SAMHD1: variants seen among roughly 807,000 people sequenced by gnomAD.
SAMHD1 encodes the protein deoxynucleoside triphosphate triphosphohydrolase SAMHD1.
A neutral mutation model predicts 79.6 loss-of-function variants in SAMHD1; 54 were observed. The ratio of observed to expected loss-of-function variants is 0.68; its 90% CI spans 0.55 to 0.85. The LOEUF is 0.85. Ranked by LOEUF, SAMHD1 falls within the 40% of genes least tolerant of loss-of-function variation. SAMHD1 has a pLI of 0.00. For missense variants in SAMHD1, 663 were observed against 782.7 expected (o/e 0.85, Z 1.82); for synonymous variants, 260 against 264.1 (o/e 0.98, Z 0.15).
At chr20:36,919,709 AC>A (rs1422560279) in intron 6 of SAMHD1, among the ~76,000 whole-genome samples, 190 bp from the exon 7 acceptor site, 1 of 152,226 alleles carries the variant, frequency 6.6e-6, no homozygotes, top group Non-Finnish European at 1.5e-5. Context: ...CTAGTAGTCT[AC>A]AAACCTTTTA....
intron 13 of SAMHD1, among the ~76,000 whole-genome samples, chr20:36,902,032 TAAG>T (rs1241588476): frequency 4.6e-5 from 7 of 152,288 alleles, no homozygotes; most frequent in Admixed American, 2.0e-4. Flanking sequence ...GAGAAAGGTC[TAAG>T]GAGTTGCTAC....
intron 3 of SAMHD1, among the ~76,000 whole-genome samples, chr20:36,939,274 AAAAAAGAAAAG>A (rs1168959170): frequency 6.8e-6 from 1 of 146,574 alleles, no homozygotes; most frequent in Admixed American, 6.9e-5. Flanking sequence ...AAAAAAAAAA[AAAAAAGAAAAG>A]AAAAGAAAAA....
chr20:36,928,161 T>A (rs1031075836), intron 5 of SAMHD1, among the ~76,000 whole-genome samples: 2 of 151,166 alleles, frequency 1.3e-5, no homozygotes, highest in Non-Finnish European at 2.9e-5. Context: ...CTGAGGTGGG[T>A]GGATCACTTT....
At chr20:36,912,901 T>TG (rs201496825) in intron 9 of SAMHD1, among the ~76,000 whole-genome samples, 3,246 of 133,036 alleles carry the variant, frequency 0.024, 311 homozygotes, top group African/African-American at 0.095. Flanking sequence ...TTTTTTTTTT[T>TG]TTTTTTTTTT....
chr20:36,891,116 C>G lies in SAMHD1; in HGVS notation c.*1816G>C, dbSNP rs2148350707. On this transcript the variant is annotated 3_prime_UTR_variant, in exon 16 of 16. Coordinates refer to ENST00000646673, the MANE Select transcript of SAMHD1 (RefSeq NM_015474.4). ...CTGACCTCACTTGTGCGTTGCTGAG[C>G]CCATATGTGAACAAATCCCCTTGAT... is the stretch of plus-strand genomic sequence containing the variant. The G allele has an allele frequency of 6.6e-6, 1 of 152,324 alleles. No homozygotes were observed. The highest frequency in any genetic ancestry group is 2.4e-5 in the African/African-American group (1 of 41,562). 9.4% of individuals were successfully genotyped at this position (152,324 alleles called of 1,614,324 possible). A position where few individuals can be genotyped will look rare whatever the true frequency, so the allele number is the denominator to read the frequency against.
chr20:36,907,539 C>T (rs1601121415), intron 11 of SAMHD1, among the ~76,000 whole-genome samples: 1 of 125,854 alleles, frequency 7.9e-6, no homozygotes, highest in South Asian at 2.6e-4. Flanking sequence ...ATAAAGATGA[C>T]TTTTTTTTTT....
At position 36,911,202 on chromosome 20, in the gene SAMHD1, A is replaced by T; in HGVS notation, c.1270+16T>A. 1 of 1,488,946 alleles carries T rather than the reference A, an allele frequency of 6.7e-7. No homozygotes were observed. Among genetic ancestry groups the T allele is most frequent in the Admixed American group, 1.7e-5 (1 of 59,868 alleles). 92.2% of individuals were successfully genotyped at this position (1,488,946 alleles called of 1,614,324 possible). On this transcript the variant is annotated intron_variant, in intron 11 of 15. Coordinates refer to ENST00000646673, the MANE Select transcript of SAMHD1 (RefSeq NM_015474.4). ...TTATCTGAGATGGACCATCTATGTT[A>T]CCTGTTACTTCTTACCTGTCAGCTT...
intron 11 of SAMHD1, among the ~76,000 whole-genome samples, chr20:36,907,517 C>T (rs931650398): frequency 5.3e-5 from 8 of 151,592 alleles, no homozygotes; most frequent in Admixed American, 2.6e-4. Context: ...AGGCACATGC[C>T]GCCACACCTG....
At chr20:36,942,292 C>T (rs6124471) in intron 2 of SAMHD1, among the ~76,000 whole-genome samples, 33,321 of 151,960 alleles carry the variant, frequency 0.22, 4,375 homozygotes, top group East Asian at 0.45. Flanking sequence ...GTGGCGCATG[C>T]CTGTAATCCC....
rs1452068179 is a variant in SAMHD1, at chr20:36,898,528, T to C, written c.1520A>G (p.Tyr507Cys). Residue 507 changes from tyrosine to cysteine, a missense_variant, in exon 14 of 16, where the codon TAT (tyrosine) becomes TGT (cysteine). Coordinates refer to ENST00000646673, the MANE Select transcript of SAMHD1 (RefSeq NM_015474.4). ...DFIVDVINMD[Y>C]GMQEKNPIDH... ...AATTGGATTCTTTTCTTGCATTCCA[T>C]AATCCATGTTGATAACCTAAATAAA... The C allele has an allele frequency of 2.5e-6, 4 of 1,613,390 alleles. No individual in the cohort carries two copies. Among genetic ancestry groups the C allele is most frequent in the Non-Finnish European group, 3.4e-6 (4 of 1,179,422 alleles).
intron 4 of SAMHD1, chr20:36,934,517 C>CAAAA (rs35696057): frequency 1.9e-5 from 1 of 53,986 alleles, no homozygotes; most frequent in Non-Finnish European, 3.2e-5. Flanking sequence ...GACTCTGTCT[C>CAAAA]AAAAAAAAAA....
chr20:36,951,693 C>T lies in SAMHD1; in HGVS notation c.-50G>A. The T allele has an allele frequency of 2.5e-6, 4 of 1,608,960 alleles. No individual in the cohort carries two copies. Among genetic ancestry groups the T allele is most frequent in the East Asian group, 2.2e-5 (1 of 44,880 alleles). ...CAGTCAAGAACCTCGGCGCCGGACC[C>T]GCGCGCAGGCGCACTGACAGCAGGG... On this transcript the variant is annotated 5_prime_UTR_variant, in exon 1 of 16. Transcript: ENST00000646673.
intron 15 of SAMHD1, among the ~76,000 whole-genome samples, chr20:36,896,849 A>G (rs528876994): frequency 2.1e-5 from 3 of 142,594 alleles, no homozygotes; most frequent in African/African-American, 7.9e-5. Flanking sequence ...AAATGAATGA[A>G]TTAATTAATT....
intron 1 of SAMHD1, among the ~76,000 whole-genome samples, chr20:36,950,461 T>G (rs943397405): frequency 6.6e-6 from 1 of 152,000 alleles, no homozygotes; most frequent in African/African-American, 2.4e-5. Context: ...ATGCAAAAAT[T>G]TACTAAATTT....
chr20:36,932,101 G>A (rs1164131173), intron 4 of SAMHD1, among the ~76,000 whole-genome samples: 3 of 152,010 alleles, frequency 2.0e-5, no homozygotes, highest in Non-Finnish European at 4.4e-5. Flanking sequence ...CCAATGTGGT[G>A]AAACTCCATC....
intron 2 of SAMHD1, among the ~76,000 whole-genome samples, chr20:36,942,878 G>A (rs1200081247): frequency 2.0e-5 from 3 of 151,972 alleles, no homozygotes; most frequent in Non-Finnish European, 2.9e-5. Flanking sequence ...GGATGGTCTC[G>A]ATCTCCTGAC....
intron 3 of SAMHD1, among the ~76,000 whole-genome samples, chr20:36,939,972 AGGTG>A (rs1282107164): frequency 6.6e-6 from 1 of 152,168 alleles, no homozygotes; most frequent in Non-Finnish European, 1.5e-5. Flanking sequence ...TGGCAGGACG[AGGTG>A]GGTGGATCAC....
In SAMHD1 at chr20:36,947,310, GGTGTGTGTGTGTGT is replaced by G. The variant is rs35061251; in HGVS notation, c.209-520_209-507del. ...GCACTCAATACTCTGATTTGGAAGA[GGTGTGTGTGTGTGT>G]GTGTGTGTGTGTGTGTGTGTGTGTG... On this transcript the variant is annotated intron_variant, in intron 1 of 15. Transcript: ENST00000646673. Among the ~76,000 whole-genome samples, 28 of 85,132 alleles carry G rather than the reference GGTGTGTGTGTGTGT, an allele frequency of 3.3e-4. 1 individual carries two copies. Among genetic ancestry groups the G allele is most frequent in the East Asian group, 1.6e-3 (4 of 2,544 alleles). The allele number at this position is 85,132 out of a possible 152,430, so 55.8% of individuals were successfully genotyped here. A position where few individuals can be genotyped will look rare whatever the true frequency, so the allele number is the denominator to read the frequency against.
At chr20:36,921,985 G>T (rs895747042) in intron 6 of SAMHD1, among the ~76,000 whole-genome samples, 1 of 152,092 alleles carries the variant, frequency 6.6e-6, no homozygotes, top group Admixed American at 6.6e-5. Flanking sequence ...CACTGCGTCC[G>T]ATCTGGACAC....
Sources: allele counts gnomAD v4.1 joint callset (sites outside exome capture counted in the v4.1 genomes callset), GRCh38; gene constraint gnomAD v4.1.1; transcripts MANE v1.5; gene names NCBI Gene and HGNC (gene_info 2026-07-23, HGNC 2026-07-21).